The following EXT2 variants were observed in gnomAD, a reference collection of about 807,000 sequenced individuals.
The protein encoded by EXT2 is exostosin glycosyltransferase 2, also known as exostosin-2.
In EXT2, 53 loss-of-function variants were observed where a neutral mutation model predicts 81.6. The ratio of observed to expected loss-of-function variants is 0.65; its 90% CI spans 0.52 to 0.82. The LOEUF (loss-of-function observed/expected upper bound fraction) is 0.82, where lower values mean the gene tolerates loss of function less well. Among genes scored for constraint, EXT2 ranks in the 40% least tolerant of loss-of-function variants. The probability of loss-of-function intolerance (pLI) is 0.00; values close to 1 mark genes in which losing one functional copy is unlikely to be tolerated. For synonymous variants in EXT2, 320 were observed against 340.0 expected (o/e 0.94, Z 0.65); for missense variants, 774 against 910.2 (o/e 0.85, Z 1.93).
intron 1 of EXT2, among the ~76,000 whole-genome samples, chr11:44,098,694 C>CAAA (rs781017263): frequency 2.8e-5 from 2 of 72,438 alleles, no homozygotes; most frequent in African/African-American, 4.8e-5. Context: ...GATTCTGTCT[C>CAAA]AAAAAAAAAA....
At chr11:44,231,940 C>T (rs1013822584) in intron 10 of EXT2, among the ~76,000 whole-genome samples, 5 of 152,040 alleles carry the variant, frequency 3.3e-5, no homozygotes, top group African/African-American at 1.2e-4. Context: ...AGAAATGGGA[C>T]TTTATCATAA....
At chr11:44,124,679 G>C in intron 4 of EXT2, 110 bp from the exon 5 acceptor site, 1 of 819,574 alleles carries the variant, frequency 1.2e-6, no homozygotes, top group Non-Finnish European at 2.1e-6. Flanking sequence ...CAGTGGAGGT[G>C]AAGACTGGTA....
chr11:44,099,095 G>T (rs532539554), intron 1 of EXT2, among the ~76,000 whole-genome samples: 1 of 152,016 alleles, frequency 6.6e-6, no homozygotes. Context: ...TCAACCTCCC[G>T]GGTTCAAGAA....
chr11:44,234,241 A>T lies in EXT2; in HGVS notation c.1933A>T (p.Lys645Ter). The T allele has an allele frequency of 6.2e-7, 1 of 1,613,958 alleles. No homozygotes were observed. The highest frequency in any genetic ancestry group is 8.5e-7 in the Non-Finnish European group (1 of 1,179,918). The change falls in exon 12 of 14, where the codon AAG (lysine) becomes TAG (stop). Residue 645 changes from lysine to a stop codon, truncating the protein, a stop_gained and splice_region_variant. Transcript: ENST00000533608. LOFTEE classifies it high-confidence loss of function. ...VANVTGKAVI[K>*]VTPRKKFKCP... is the part of the protein sequence containing the mutation. ...CAACGTCACGGGAAAAGCAGTTATC[A>T]AGGTAGGAGGCTCTGCCACTCACTT...
intron 9 of EXT2, among the ~76,000 whole-genome samples, chr11:44,203,730 C>G (rs1356117119): frequency 6.6e-6 from 1 of 152,028 alleles, no homozygotes; most frequent in African/African-American, 2.4e-5. Context: ...CCCCTGCCTG[C>G]CTGCCTGCCT....
At position 44,244,783 on chromosome 11, in the gene EXT2, TGGG is replaced by T; in HGVS notation, c.*497_*499del. On this transcript the variant is annotated 3_prime_UTR_variant, in exon 14 of 14. Transcript: ENST00000533608. ...TCGGTGCAAAAGCCAAACATCTTGGTGGGATTTGATAAATGCCTTGGGACCTGG... is the reference window on the plus strand; with the variant it reads ...TCGGTGCAAAAGCCAAACATCTTGGTATTTGATAAATGCCTTGGGACCTGG... 1 of 257,480 alleles carries T rather than the reference TGGG, an allele frequency of 3.9e-6. No individual in the cohort carries two copies. Among genetic ancestry groups the T allele is most frequent in the Non-Finnish European group, 7.6e-6 (1 of 131,778 alleles). The allele number at this position is 257,480 out of a possible 1,614,324, so 15.9% of individuals were successfully genotyped here. A position where few individuals can be genotyped will look rare whatever the true frequency, so the allele number is the denominator to read the frequency against.
intron 1 of EXT2, among the ~76,000 whole-genome samples, chr11:44,100,959 A>G (rs1167741547): frequency 6.6e-6 from 1 of 152,204 alleles, no homozygotes; most frequent in African/African-American, 2.4e-5. Context: ...CACTTGAGGC[A>G]GATGCCTCCC....
At chr11:44,243,710 A>C (rs1468305008) in intron 13 of EXT2, among the ~76,000 whole-genome samples, 1 of 145,458 alleles carries the variant, frequency 6.9e-6, no homozygotes, top group Admixed American at 7.2e-5. Context: ...TGAAGCTCAG[A>C]TCCAAGTAGT....
At chr11:44,143,361 G>A (rs1954671471) in intron 7 of EXT2, among the ~76,000 whole-genome samples, 1 of 152,154 alleles carries the variant, frequency 6.6e-6, no homozygotes, top group Non-Finnish European at 1.5e-5. Context: ...GATTCCCTGG[G>A]GGAATTTTCA....
intron 1 of EXT2, among the ~76,000 whole-genome samples, chr11:44,102,455 G>A (rs575237804): frequency 1.3e-3 from 197 of 150,940 alleles, no homozygotes; most frequent in Non-Finnish European, 2.4e-3. Context: ...CTGTCTCCTT[G>A]CTCCCTCACT....
At position 44,248,806 on chromosome 11, in the gene EXT2, C is replaced by T. The variant is rs193150548; in HGVS notation, c.*4519C>T. Among the ~76,000 whole-genome samples, 2 of 152,210 alleles carry T rather than the reference C, an allele frequency of 1.3e-5. No homozygotes were observed. Among genetic ancestry groups the T allele is most frequent in the East Asian group, 1.9e-4 (1 of 5,170 alleles). ...AACCTTGTGTCATTCTTTCAATTTCCGGCTCACCATTGCTGGCAACAGTGG... is the reference window on the plus strand; with the variant it reads ...AACCTTGTGTCATTCTTTCAATTTCTGGCTCACCATTGCTGGCAACAGTGG... On this transcript the variant is annotated 3_prime_UTR_variant, in exon 14 of 14. Transcript: ENST00000533608.
At chr11:44,221,114 G>A (rs1955776843) in intron 10 of EXT2, among the ~76,000 whole-genome samples, 1 of 152,208 alleles carries the variant, frequency 6.6e-6, no homozygotes, top group Non-Finnish European at 1.5e-5. Context: ...GCCCCACAGA[G>A]GAGGGCACAT....
chr11:44,168,215 T>G (rs1477172379), intron 7 of EXT2, among the ~76,000 whole-genome samples: 1 of 27,436 alleles, frequency 3.6e-5, no homozygotes, highest in Non-Finnish European at 1.1e-4. Flanking sequence ...AATACATGGG[T>G]TTAATAGCAG....
chr11:44,230,362 G>A (rs1955884645), intron 10 of EXT2, among the ~76,000 whole-genome samples: 1 of 152,194 alleles, frequency 6.6e-6, no homozygotes, highest in Non-Finnish European at 1.5e-5. Flanking sequence ...GCAGTAGGAA[G>A]CCATTTTGTT....
chr11:44,100,762 C>T (rs1953970169), intron 1 of EXT2, among the ~76,000 whole-genome samples: 1 of 152,144 alleles, frequency 6.6e-6, no homozygotes, highest in African/African-American at 2.4e-5. Context: ...GACAGGTTGC[C>T]TCTGCTAAAG....
intron 9 of EXT2, among the ~76,000 whole-genome samples, chr11:44,201,692 A>G (rs964353655): frequency 6.6e-6 from 1 of 152,180 alleles, no homozygotes; most frequent in African/African-American, 2.4e-5. Flanking sequence ...ACAGAAAAGT[A>G]AATCTATTTT....
chr11:44,140,221 C>T (rs1954627434), intron 7 of EXT2, among the ~76,000 whole-genome samples: 1 of 152,242 alleles, frequency 6.6e-6, no homozygotes, highest in Admixed American at 6.5e-5. Flanking sequence ...GTCTGACTGG[C>T]TGGACCTCTG....
At chr11:44,187,486 A>G (rs188716101) in intron 8 of EXT2, among the ~76,000 whole-genome samples, 52 of 152,196 alleles carry the variant, frequency 3.4e-4, no homozygotes, top group Non-Finnish European at 5.9e-4. Context: ...CATTATTCTT[A>G]TCTGTAAAAT....
At chr11:44,240,265 G>T (rs532773273) in intron 13 of EXT2, among the ~76,000 whole-genome samples, 1 of 152,342 alleles carries the variant, frequency 6.6e-6, no homozygotes, top group East Asian at 1.9e-4. Context: ...GACACAAAGA[G>T]TAACTGAAAA....
Sources: allele counts gnomAD v4.1 joint callset (sites outside exome capture counted in the v4.1 genomes callset), GRCh38; gene constraint gnomAD v4.1.1; transcripts MANE v1.5; gene names NCBI Gene and HGNC (gene_info 2026-07-23, HGNC 2026-07-21).